Variants in DNAH6 observed in about 807,000 individuals in gnomAD.
DNAH6 encodes axonemal beta dynein heavy chain 6.
DNAH6 carries 340 observed loss-of-function variants against 491.4 expected under a neutral mutation model. The observed-to-expected ratio is 0.69, with a 90% confidence interval of 0.63 to 0.76. The LOEUF is 0.76. DNAH6 is among the 30% of genes least tolerant of loss of function. The pLI, the probability that DNAH6 is intolerant of heterozygous loss-of-function variation, is 0.00. For synonymous variants in DNAH6, 1,603 were observed against 1,686.1 expected (o/e 0.95, Z 1.21); for missense variants, 4,443 against 4,972.2 (o/e 0.89, Z 3.20).
chr2:84,792,498 A>G, intron 68 of DNAH6, among the ~76,000 whole-genome samples: 1 of 152,204 alleles, frequency 6.6e-6, no homozygotes, highest in East Asian at 1.9e-4. Flanking sequence ...AAAACTCCCC[A>G]GGTTGTATAC....
chr2:84,720,013 T>C (rs1365663071), intron 59 of DNAH6, among the ~76,000 whole-genome samples: 1 of 151,974 alleles, frequency 6.6e-6, no homozygotes, highest in Admixed American at 6.5e-5. Flanking sequence ...AGATCTGGCT[T>C]TAAGTATTTG....
At chr2:84,627,646 C>A (rs952697438) in intron 29 of DNAH6, among the ~76,000 whole-genome samples, 1 of 152,030 alleles carries the variant, frequency 6.6e-6, no homozygotes, top group Non-Finnish European at 1.5e-5. Context: ...AAATAATTTT[C>A]TTTATTCATT....
chr2:84,519,813 T>G (rs916925296), intron 2 of DNAH6, among the ~76,000 whole-genome samples: 11 of 152,104 alleles, frequency 7.2e-5, no homozygotes. Flanking sequence ...ATATGTCTTT[T>G]CTTGCCTTTG....
At chr2:84,760,202 C>A (rs1400387642) in intron 63 of DNAH6, among the ~76,000 whole-genome samples, 1 of 152,094 alleles carries the variant, frequency 6.6e-6, no homozygotes, top group Admixed American at 6.5e-5. Context: ...AGACCTGAAA[C>A]TATAAAAATA....
intron 68 of DNAH6, among the ~76,000 whole-genome samples, chr2:84,790,590 A>G (rs940713675): frequency 6.6e-6 from 1 of 152,240 alleles, no homozygotes; most frequent in Non-Finnish European, 1.5e-5. Context: ...TTGAATAGAC[A>G]TTTCACCAAA....
intron 11 of DNAH6, among the ~76,000 whole-genome samples, chr2:84,564,229 G>A (rs564452402): frequency 2.0e-5 from 3 of 152,008 alleles, no homozygotes; most frequent in Admixed American, 6.5e-5. Flanking sequence ...CTAATTCTGT[G>A]AAAAAAGATA....
At chr2:84,519,493 A>T (rs1675927868) in intron 2 of DNAH6, among the ~76,000 whole-genome samples, 1 of 152,122 alleles carries the variant, frequency 6.6e-6, no homozygotes, top group South Asian at 2.1e-4. Flanking sequence ...CTAATTTCAC[A>T]CCTGTGGGTG....
chr2:84,801,487 A>G (rs1678906189), intron 70 of DNAH6, among the ~76,000 whole-genome samples: 1 of 152,164 alleles, frequency 6.6e-6, no homozygotes, highest in African/African-American at 2.4e-5. Flanking sequence ...GAAAAGGGCT[A>G]TATTACCTAT....
the DNAH6 span, among the ~76,000 whole-genome samples, chr2:84,508,980 A>G: frequency 2.0e-5 from 3 of 152,150 alleles, no homozygotes; most frequent in Admixed American, 6.5e-5. Context: ...GGAGTGCTTT[A>G]CTTCCTACTA....
At chr2:84,688,741 T>C in intron 45 of DNAH6, 148 bp downstream of exon 45, 2 of 622,630 alleles carry the variant, frequency 3.2e-6, no homozygotes, top group Non-Finnish European at 5.0e-6. Flanking sequence ...AGAGTTATTG[T>C]TTAACATATT....
the DNAH6 span, among the ~76,000 whole-genome samples, chr2:84,508,191 T>G: frequency 0.012 from 1,831 of 152,354 alleles, 37 homozygotes; most frequent in African/African-American, 0.042. Context: ...TGAATCCGTC[T>G]GGTCCTGGAC....
chr2:84,614,366 ATT>A (rs2104358765), intron 22 of DNAH6, among the ~76,000 whole-genome samples: 1 of 152,252 alleles, frequency 6.6e-6, no homozygotes, highest in East Asian at 1.9e-4. Flanking sequence ...CCATTATTTC[ATT>A]CCGTTTTATG....
At chr2:84,593,891 A>G in intron 16 of DNAH6, 81 bp from the exon 17 acceptor site, 1 of 729,720 alleles carries the variant, frequency 1.4e-6, no homozygotes, top group Non-Finnish European at 2.2e-6. Flanking sequence ...TCACTGTACC[A>G]AGAATTACTA....
chr2:84,781,539 A>G lies in DNAH6; in HGVS notation c.10750A>G (p.Lys3584Glu), dbSNP rs1477741416. The G allele has an allele frequency of 1.3e-6, 2 of 1,551,570 alleles. No individual in the cohort carries two copies. The highest frequency in any genetic ancestry group is 8.7e-7 in the Non-Finnish European group (1 of 1,146,940). ...LGQGQGPIAE[K>E]MVKDAMKSGN... ...GCAAGGACAAGGACCTATTGCTGAAAAAATGGTCAAGGATGCAATGAAATC... is the reference window on the plus strand; with the variant it reads ...GCAAGGACAAGGACCTATTGCTGAAGAAATGGTCAAGGATGCAATGAAATC... The change falls in exon 65 of 77, where the codon AAA becomes GAA. Residue 3584 changes from lysine (K) to glutamate (E), a missense_variant. This residue lies in a region of DNAH6 where 1,463 missense variants were observed against 1,656.6 expected (regional missense o/e 0.88). Coordinates refer to ENST00000389394, the MANE Select transcript of DNAH6 (RefSeq NM_001370.2).
rs1685549314 is a variant in DNAH6 at position 84,604,334 on chromosome 2, T to G, written c.2869-5T>G. On this transcript the variant is annotated splice_region_variant and splice_polypyrimidine_tract_variant and intron_variant, in intron 18 of 76. Coordinates refer to ENST00000389394, the MANE Select transcript of DNAH6 (RefSeq NM_001370.2). The stretch of plus-strand genomic sequence containing the variant: ...TTCATGTCTCTGAGAGTGTTTGTTT[T>G]TCAGCTTCCAGTTATCATTGACTTG... 6.4e-7 allele frequency: 1 copy of G among 1,550,840 alleles called. No individual in the cohort carries two copies. Among genetic ancestry groups the G allele is most frequent in the Non-Finnish European group, 8.7e-7 (1 of 1,146,020 alleles).
chr2:84,704,436 CAAGGAG>C, intron 51 of DNAH6, 134 bp downstream of exon 51: 1 of 689,884 alleles, frequency 1.4e-6, no homozygotes, highest in Non-Finnish European at 2.4e-6. Context: ...CAAATTGATT[CAAGGAG>C]CATTTTCTTC....
At chr2:84,482,959 T>C in the DNAH6 span, among the ~76,000 whole-genome samples, 1 of 151,930 alleles carries the variant, frequency 6.6e-6, no homozygotes, top group Non-Finnish European at 1.5e-5. Context: ...TACGGTTTTT[T>C]TTTTTTTTCT....
chr2:84,532,771 C>T (rs1333033690), intron 4 of DNAH6, among the ~76,000 whole-genome samples: 1 of 152,012 alleles, frequency 6.6e-6, no homozygotes, highest in African/African-American at 2.4e-5. Flanking sequence ...TTTAAAGTTG[C>T]ACTTCTTATA....
chr2:84,668,540 A>T lies in DNAH6; in HGVS notation c.6085-749A>T, dbSNP rs935976729. Among the ~76,000 whole-genome samples, 4 of 152,028 alleles carry T rather than the reference A, an allele frequency of 2.6e-5. No homozygotes were observed. In the South Asian group the frequency reaches 6.2e-4, roughly 24 times the overall value. ...AATAAGTAAAGCTTTTGATAATTTG[A>T]TCCATCTGTATTTCCAGCCTCATCT... is the stretch of plus-strand genomic sequence containing the variant. On this transcript the variant is annotated intron_variant, in intron 37 of 76. Transcript: ENST00000389394.
Sources: gnomAD v4.1 joint callset for allele counts (sites outside exome capture counted in the v4.1 genomes callset) on GRCh38, gnomAD v4.1.1 for gene constraint, gnomAD v4.1.1 regional missense constraint, MANE v1.5 for transcripts, NCBI Gene and HGNC (gene_info 2026-07-23, HGNC 2026-07-21) for gene names.